Variants in C19orf38 observed in about 807,000 individuals in gnomAD.
C19orf38 encodes chromosome 19 open reading frame 38.
A neutral mutation model predicts 26.6 loss-of-function variants in C19orf38; 14 were observed. The observed-to-expected ratio is 0.53, with a 90% CI of 0.35 to 0.82. The LOEUF is 0.82. C19orf38 is among the 40% of genes least tolerant of loss of function. The pLI, the probability that C19orf38 is intolerant of heterozygous loss-of-function variation, is 0.01. For missense variants in C19orf38, 261 were observed against 299.5 expected, an observed-to-expected ratio of 0.87 and a Z score of 0.95; for synonymous variants, 132 against 128.5, an observed-to-expected ratio of 1.03 and a Z score of -0.18.
In C19orf38 at chr19:10,856,245, C is replaced by G. The variant is rs1438544687; in HGVS notation, c.341-20C>G. On this transcript the variant is annotated intron_variant, in intron 2 of 6. Transcript: ENST00000397820. ...GAGACGACACTGACCTGCCCACTCT[C>G]TTTTCTGATTTTCCTCCAGTGCCCA... 1.3e-6 allele frequency: 2 copies of G among 1,545,030 alleles called. No homozygotes were observed. Among genetic ancestry groups the G allele is most frequent in the Non-Finnish European group, 1.8e-6 (2 of 1,141,312 alleles).
chr19:10,859,318 GTGTGTGTATGTA>G, intron 4 of C19orf38, among the ~76,000 whole-genome samples: 1 of 139,746 alleles, frequency 7.2e-6, no homozygotes, highest in Non-Finnish European at 1.5e-5. Context: ...ATGTATGTGT[GTGTGTGTATGTA>G]TGTGTGTGTG....
intron 2 of C19orf38, among the ~76,000 whole-genome samples, chr19:10,855,027 ATTC>A (rs2073609408): frequency 8.6e-6 from 1 of 116,056 alleles, no homozygotes; most frequent in South Asian, 2.6e-4. Context: ...TCAGATATAT[ATTC>A]TTTTTTTTTT....
At chr19:10,857,367 T>TATATATATATA (rs1491341895) in intron 3 of C19orf38, among the ~76,000 whole-genome samples, 77 of 43,260 alleles carry the variant, frequency 1.8e-3, no homozygotes, top group African/African-American at 0.012. Context: ...TATATATATA[T>TATATATATATA]TTTTTTTTTT....
At chr19:10,859,244 A>ATG (rs35791729) in intron 4 of C19orf38, among the ~76,000 whole-genome samples, 4,331 of 119,334 alleles carry the variant, frequency 0.036, 105 homozygotes, top group African/African-American at 0.061. Flanking sequence ...GCTTTTATAT[A>ATG]TGTGTGTGTG....
At chr19:10,864,152 C>T (rs999646314) in intron 6 of C19orf38, among the ~76,000 whole-genome samples, 5 of 150,282 alleles carry the variant, frequency 3.3e-5, no homozygotes, top group South Asian at 2.1e-4. Context: ...TTCCGACTCC[C>T]GGGTTCAAGC....
chr19:10,850,593 T>C, intron 2 of C19orf38, 26 bp downstream of exon 2: 1 of 1,549,628 alleles, frequency 6.5e-7, no homozygotes, highest in Non-Finnish European at 8.7e-7. Context: ...GGGATCTCAC[T>C]GCCGGGGGCT....
rs1325023232 is a variant in C19orf38 at position 10,863,188 on chromosome 19, C to T, written c.524C>T (p.Ser175Phe). 7 of 1,551,498 alleles carry T rather than the reference C, an allele frequency of 4.5e-6. No individual in the cohort carries two copies. In the East Asian group the frequency reaches 9.8e-5, roughly 22 times the overall value. ...FDSTDMSFDN[S>F]LFTVSAKTMP... ...GTTTCAGACATGTCCTTCGATAACT[C>T]CCTGTTTACCGTCTCCGCGGTGAGT... Residue 175 changes from serine to phenylalanine, a missense_variant, in exon 6 of 7, where the codon TCC becomes TTC. Transcript: ENST00000397820.
intron 1 of C19orf38, among the ~76,000 whole-genome samples, chr19:10,838,218 G>A (rs2073451725): frequency 6.6e-6 from 1 of 152,090 alleles, no homozygotes; most frequent in South Asian, 2.1e-4. Context: ...AGACTATCCT[G>A]GCTAACACAG....
intron 3 of C19orf38, among the ~76,000 whole-genome samples, chr19:10,857,366 A>ATATATATATATAT (rs1433358051): frequency 1.8e-4 from 10 of 56,078 alleles, no homozygotes; most frequent in African/African-American, 5.2e-4. Context: ...ATATATATAT[A>ATATATATATATAT]TTTTTTTTTT....
rs191860676 is a variant in C19orf38 at position 10,858,541 on chromosome 19, T to A, written c.461+198T>A. 4.9e-4 allele frequency among the ~76,000 whole-genome samples: 75 copies of A among 152,216 alleles called. No individual in the cohort carries two copies. In the East Asian group the frequency reaches 0.013, roughly 25 times the overall value. The stretch of plus-strand genomic sequence containing the variant: ...GACTCTCTGAAGCTGGAGCTCCTTA[T>A]CCTTATGGCAGCCCTGGAAACAGGC... On this transcript the variant is annotated intron_variant, in intron 4 of 6. Transcript: ENST00000397820.
At position 10,865,451 on chromosome 19, in the gene C19orf38, ATTTGT is replaced by A. The variant is rs372917216; in HGVS notation, c.543+2248_543+2252del. ...CATGAGCCACCATGCCCGGCCTTTT[ATTTGT>A]TTTTTTACTTTTTTTTTCTTAAATT... On this transcript the variant is annotated intron_variant, in intron 6 of 6. Coordinates refer to ENST00000397820, the MANE Select transcript of C19orf38 (RefSeq NM_001136482.3). Among the ~76,000 whole-genome samples, 534 of 150,116 alleles carry A rather than the reference ATTTGT, an allele frequency of 3.6e-3. 3 individuals carry two copies. Among genetic ancestry groups the A allele is most frequent in the African/African-American group, 0.013 (523 of 41,016 alleles).
chr19:10,851,431 C>T (rs920055824), intron 2 of C19orf38, among the ~76,000 whole-genome samples: 1 of 151,026 alleles, frequency 6.6e-6, no homozygotes, highest in African/African-American at 2.4e-5. Context: ...TCCTCCAATT[C>T]CTATCCTCAA....
At chr19:10,869,097 TGG>T in intron 6 of C19orf38, 119 bp from the exon 7 acceptor site, 7 of 1,276,854 alleles carry the variant, frequency 5.5e-6, no homozygotes, top group Non-Finnish European at 7.6e-6. Context: ...TGGGTGTGGG[TGG>T]GGGCGGGATG....
At chr19:10,841,734 C>G in intron 1 of C19orf38, 1 of 654,474 alleles carries the variant, frequency 1.5e-6, no homozygotes, top group Admixed American at 2.5e-5. Flanking sequence ...GCATTTTGGG[C>G]GGCCAAGTTG....
At chr19:10,845,858 G>A (rs1286693866), upstream of C19orf38, among the ~76,000 whole-genome samples, 51 of 140,190 alleles carry the variant, frequency 3.6e-4, no homozygotes, top group Non-Finnish European at 6.4e-4. Context: ...CAGCCTGGGC[G>A]ACAGAGCAAG....
At chr19:10,869,087 T>C in intron 6 of C19orf38, 131 bp from the exon 7 acceptor site, 1 of 1,152,676 alleles carries the variant, frequency 8.7e-7, no homozygotes, top group Non-Finnish European at 1.2e-6. Context: ...CCAGGACAGG[T>C]GGGTGTGGGT....
chr19:10,845,714 C>G (rs939950311), upstream of C19orf38, among the ~76,000 whole-genome samples: 3 of 151,396 alleles, frequency 2.0e-5, no homozygotes, highest in Non-Finnish European at 2.9e-5. Flanking sequence ...CCCATCTCCA[C>G]TAAAAATACA....
At chr19:10,844,675 G>T (rs1256586113), upstream of C19orf38, among the ~76,000 whole-genome samples, 3 of 151,006 alleles carry the variant, frequency 2.0e-5, no homozygotes, top group Non-Finnish European at 2.9e-5. Flanking sequence ...GTGAAATCCC[G>T]TCTCTACTAA....
At chr19:10,848,301 G>A, upstream of C19orf38, 1 of 573,788 alleles carries the variant, frequency 1.7e-6, no homozygotes. Context: ...GCGCGGGTCT[G>A]ATGTGTGTTT....
Sources: gnomAD v4.1 joint callset for allele counts (sites outside exome capture counted in the v4.1 genomes callset) on GRCh38, gnomAD v4.1.1 for gene constraint, MANE v1.5 for transcripts, NCBI Gene and HGNC (gene_info 2026-07-23, HGNC 2026-07-21) for gene names.